The following MYO1E variants were observed in gnomAD, a reference collection of about 807,000 sequenced individuals.
MYO1E encodes the protein unconventional myosin-Ie.
Under a neutral mutation model 151.1 loss-of-function variants are expected in MYO1E, and 68 were observed. The observed-to-expected ratio is 0.45, with a 90% CI of 0.37 to 0.55. The LOEUF (loss-of-function observed/expected upper bound fraction) is 0.55, where lower values mean the gene tolerates loss of function less well. MYO1E is among the 20% of genes least tolerant of loss of function. The pLI is 0.00. For missense variants in MYO1E, 1,363 were observed against 1,389.3 expected (o/e 0.98, Z 0.30); for synonymous variants, 601 against 501.7 (o/e 1.20, Z -2.64).
At chr15:59,297,027 GT>G (rs1172285611) in intron 1 of MYO1E, among the ~76,000 whole-genome samples, 1 of 29,128 alleles carries the variant, frequency 3.4e-5, no homozygotes, top group African/African-American at 7.4e-5. Context: ...AATTTTTTGT[GT>G]TTTTTTGTAG....
rs140456373 is a variant in MYO1E, at chr15:59,153,697, G to A, written c.2973C>T (p.Ser991=). 243 of 1,614,186 alleles carry A rather than the reference G, an allele frequency of 1.5e-4. 1 individual carries two copies. In the East Asian group the frequency reaches 4.3e-3, roughly 28 times the overall value. ...QRSNQKSLYT[S]MARPPLPRQQ... is the part of the protein sequence containing the mutation. ...GCCGAGGCAAGGGCGGGCGGGCCAT[G>A]GAGGTGTACAGGCTTTTCTGATTGG... Residue 991 remains serine, a synonymous_variant, in exon 26 of 28, where the codon TCC becomes TCT. Transcript: ENST00000288235.
chr15:59,366,248 G>A (rs934783296), intron 1 of MYO1E, among the ~76,000 whole-genome samples: 1 of 151,824 alleles, frequency 6.6e-6, no homozygotes, highest in African/African-American at 2.4e-5. Context: ...CAAAGTGCTG[G>A]GATTACAGGC....
At chr15:59,306,181 T>C (rs568027483) in intron 1 of MYO1E, among the ~76,000 whole-genome samples, 1 of 152,338 alleles carries the variant, frequency 6.6e-6, no homozygotes, top group South Asian at 2.1e-4. Flanking sequence ...CCCTTTGCAA[T>C]ATGTTAGTGC....
intron 25 of MYO1E, among the ~76,000 whole-genome samples, chr15:59,157,856 A>T (rs1371264889): frequency 6.6e-6 from 1 of 152,222 alleles, no homozygotes; most frequent in African/African-American, 2.4e-5. Context: ...GCGTCTTGGA[A>T]TGCATCCCCC....
At chr15:59,220,556 T>C (rs1217670396) in intron 9 of MYO1E, among the ~76,000 whole-genome samples, 4 of 152,206 alleles carry the variant, frequency 2.6e-5, no homozygotes, top group Admixed American at 6.5e-5. Context: ...TTTTCCATTT[T>C]TTTTCTGCAC....
intron 1 of MYO1E, among the ~76,000 whole-genome samples, chr15:59,295,823 C>T (rs1250851039): frequency 6.6e-6 from 1 of 152,104 alleles, no homozygotes; most frequent in African/African-American, 2.4e-5. Context: ...AATTTCCGGT[C>T]CAGCTCATCT....
chr15:59,275,919 T>A (rs1430599943), intron 1 of MYO1E, among the ~76,000 whole-genome samples: 4 of 152,276 alleles, frequency 2.6e-5, no homozygotes, highest in East Asian at 1.9e-4. Context: ...TAGTGTGACT[T>A]GTCCAGAGGC....
intron 1 of MYO1E, among the ~76,000 whole-genome samples, chr15:59,292,227 A>T (rs2140397528): frequency 6.6e-6 from 1 of 152,364 alleles, no homozygotes; most frequent in South Asian, 2.1e-4. Flanking sequence ...ATAGTTTTAC[A>T]GGATTTCAAG....
chr15:59,268,411 G>A (rs2080268843), intron 2 of MYO1E, among the ~76,000 whole-genome samples: 1 of 152,168 alleles, frequency 6.6e-6, no homozygotes, highest in South Asian at 2.1e-4. Flanking sequence ...GTCAGTCATC[G>A]ATTCAAAGGC....
chr15:59,149,322 C>T (rs1187565356), intron 26 of MYO1E, among the ~76,000 whole-genome samples: 1 of 152,110 alleles, frequency 6.6e-6, no homozygotes, highest in African/African-American at 2.4e-5. Context: ...TCCCAAAGTG[C>T]TGGGATTACA....
At chr15:59,169,178 C>CT (rs754972381) in intron 22 of MYO1E, among the ~76,000 whole-genome samples, 7 of 152,184 alleles carry the variant, frequency 4.6e-5, no homozygotes. Context: ...TTATGGGATA[C>CT]TTTGATAAAT....
At chr15:59,327,093 A>G (rs2080669460) in intron 1 of MYO1E, among the ~76,000 whole-genome samples, 1 of 151,836 alleles carries the variant, frequency 6.6e-6, no homozygotes, top group Non-Finnish European at 1.5e-5. Context: ...AGAGGTAATG[A>G]TACCATCTCC....
chr15:59,280,461 C>A (rs746852011), intron 1 of MYO1E, among the ~76,000 whole-genome samples: 12 of 152,016 alleles, frequency 7.9e-5, no homozygotes, highest in African/African-American at 1.2e-4. Flanking sequence ...CCCGTCCCTG[C>A]TAAAAATACA....
intron 1 of MYO1E, among the ~76,000 whole-genome samples, chr15:59,297,437 A>ATTTTTTTTTTTTTTTTTTTTTTTTTTTT (rs755470049): frequency 1.6e-5 from 1 of 63,454 alleles, no homozygotes; most frequent in African/African-American, 4.0e-5. Flanking sequence ...CACCCAGCTA[A>ATTTTTTTTTTTTTTTTTTTTTTTTTTTT]TTTTTTTTTT....
In MYO1E at chr15:59,158,273, C is replaced by T. The variant is rs768912139; in HGVS notation, c.2878+14G>A. On this transcript the variant is annotated intron_variant, in intron 25 of 27. Coordinates refer to ENST00000288235, the MANE Select transcript of MYO1E (RefSeq NM_004998.4). The stretch of plus-strand genomic sequence containing the variant: ...GATTTAGTGGTCCCAGACTACGGTA[C>T]GTAGCTGGCTTACCTGGGGGAGGAG... 28 of 1,544,396 alleles carry T rather than the reference C, an allele frequency of 1.8e-5. No individual in the cohort carries two copies. The highest frequency in any genetic ancestry group is 2.1e-4 in the Middle Eastern group (1 of 4,740).
At chr15:59,339,926 C>T (rs2080753859) in intron 1 of MYO1E, among the ~76,000 whole-genome samples, 1 of 151,218 alleles carries the variant, frequency 6.6e-6, no homozygotes, top group East Asian at 1.9e-4. Context: ...CGGCTTACTG[C>T]AACCTCTGCC....
rs543546074 is a variant in MYO1E, at chr15:59,326,889, C to G, written c.3+45609G>C. On this transcript the variant is annotated intron_variant, in intron 1 of 27. Coordinates refer to ENST00000288235, the MANE Select transcript of MYO1E (RefSeq NM_004998.4). ...TTATGGGCTGAGTGACCAAGACCTG[C>G]CCCCTGCCCCCGACTCTACTGTATG... 7.0e-4 allele frequency among the ~76,000 whole-genome samples: 106 copies of G among 152,288 alleles called. 1 individual carries two copies. The Middle Eastern group carries it at 0.01, about 15-fold the overall frequency.
At chr15:59,185,396 C>A (rs1329762523) in intron 18 of MYO1E, among the ~76,000 whole-genome samples, 1 of 152,126 alleles carries the variant, frequency 6.6e-6, no homozygotes, top group Non-Finnish European at 1.5e-5. Context: ...GCCTCCCAGG[C>A]AGCTGGGATT....
chr15:59,161,072 C>T lies in MYO1E; in HGVS notation c.2785+1G>A, dbSNP rs1214882632. The T allele has an allele frequency of 4.3e-6, 7 of 1,612,984 alleles. No individual in the cohort carries two copies. Among genetic ancestry groups the T allele is most frequent in the Non-Finnish European group, 4.2e-6 (5 of 1,180,024 alleles). On this transcript the variant is annotated splice_donor_variant, in intron 24 of 27. Transcript: ENST00000288235. LOFTEE classifies it high-confidence loss of function. ...GCCTGCAGGGCCCGTGGAGCACTTA[C>T]GGGAGTTCTTGGGCAGTCCAGGTCC...
Sources: gnomAD v4.1 joint callset for allele counts (sites outside exome capture counted in the v4.1 genomes callset) on GRCh38, gnomAD v4.1.1 for gene constraint, MANE v1.5 for transcripts, NCBI Gene and HGNC (gene_info 2026-07-23, HGNC 2026-07-21) for gene names.